SMIM36: variants seen among roughly 807,000 people sequenced by gnomAD.
SMIM36 encodes the protein small integral membrane protein 36.
intron 3 of SMIM36, chr17:55,477,004 A>G (rs1472693435): frequency 1.3e-5 from 2 of 152,188 alleles, no homozygotes; most frequent in Non-Finnish European, 2.9e-5. Flanking sequence ...TTAGTTCCCT[A>G]GGGCTGCCAC....
intron 1 of SMIM36, among the ~76,000 whole-genome samples, chr17:55,505,280 G>T (rs1910062426): frequency 1.1e-5 from 1 of 88,282 alleles, no homozygotes; most frequent in East Asian, 3.8e-4. Flanking sequence ...CAAAAAAAGA[G>T]AATTTTAGAC....
chr17:55,525,001 T>G, the SMIM36 span, among the ~76,000 whole-genome samples: 1 of 152,222 alleles, frequency 6.6e-6, no homozygotes, highest in East Asian at 1.9e-4. Context: ...ATGAGAAAAC[T>G]GAGGCACAGA....
chr17:55,508,482 T>G (rs1910123533), intron 1 of SMIM36, among the ~76,000 whole-genome samples: 1 of 136,802 alleles, frequency 7.3e-6, no homozygotes, highest in Non-Finnish European at 1.5e-5. Flanking sequence ...ACCTGCCCTT[T>G]TCTTAATGTG....
At chr17:55,480,253 A>T (rs940851008) in intron 1 of SMIM36, among the ~76,000 whole-genome samples, 5 of 152,152 alleles carry the variant, frequency 3.3e-5, no homozygotes, top group African/African-American at 1.2e-4. Context: ...AAAAAAAAAA[A>T]AAAAGCAATG....
chr17:55,470,873 A>T (rs2092037618), intron 3 of SMIM36, among the ~76,000 whole-genome samples: 1 of 152,012 alleles, frequency 6.6e-6, no homozygotes, highest in Non-Finnish European at 1.5e-5. Flanking sequence ...GCCTGTTACC[A>T]CTGGCCTGTT....
In SMIM36 at chr17:55,508,928, C is replaced by CAA. The variant is rs35834283; in HGVS notation, c.*174+1949_*174+1950dup. The stretch of plus-strand genomic sequence containing the variant: ...ATAAGGGCAAGGCTCTGTCTCAGAA[C>CAA]AAAAAAAAAAAAAAAAAAAAAAGTG... On this transcript the variant is annotated intron_variant, in intron 1 of 4. Transcript: ENST00000636752. 1.3e-3 allele frequency among the ~76,000 whole-genome samples: 126 copies of CAA among 97,014 alleles called. 1 individual carries two copies. The highest frequency in any genetic ancestry group is 1.5e-3 in the African/African-American group (39 of 26,106). 63.6% of individuals were successfully genotyped at this position (97,014 alleles called of 152,430 possible). A position where few individuals can be genotyped will look rare whatever the true frequency, so the allele number is the denominator to read the frequency against.
chr17:55,497,357 C>G (rs576752260), intron 1 of SMIM36, among the ~76,000 whole-genome samples: 1 of 152,064 alleles, frequency 6.6e-6, no homozygotes, highest in Non-Finnish European at 1.5e-5. Flanking sequence ...TTCTGCCTCC[C>G]GGGTTCAAGC....
the SMIM36 span, among the ~76,000 whole-genome samples, chr17:55,531,759 A>T: frequency 2.6e-5 from 4 of 152,262 alleles, no homozygotes; most frequent in African/African-American, 9.6e-5. Flanking sequence ...ATGGAGCTAT[A>T]GTAGACATAA....
intron 1 of SMIM36, among the ~76,000 whole-genome samples, chr17:55,496,912 A>C (rs1326118378): frequency 6.6e-6 from 1 of 152,190 alleles, no homozygotes; most frequent in African/African-American, 2.4e-5. Context: ...TGACAGTCTC[A>C]AACTCCCTTG....
intron 1 of SMIM36, among the ~76,000 whole-genome samples, chr17:55,496,574 GTATCTCAA>G (rs1296912838): frequency 6.6e-6 from 1 of 152,158 alleles, no homozygotes; most frequent in Non-Finnish European, 1.5e-5. Flanking sequence ...CATACTTTCT[GTATCTCAA>G]TCACTAGTGT....
At chr17:55,496,869 T>C (rs1446116031) in intron 1 of SMIM36, among the ~76,000 whole-genome samples, 1 of 152,186 alleles carries the variant, frequency 6.6e-6, no homozygotes, top group Non-Finnish European at 1.5e-5. Context: ...TGGATTCTGC[T>C]GATCCCACCC....
intron 1 of SMIM36, among the ~76,000 whole-genome samples, chr17:55,480,885 C>G (rs1474621186): frequency 6.6e-6 from 1 of 152,082 alleles, no homozygotes; most frequent in Non-Finnish European, 1.5e-5. Context: ...TTCTTGTTAT[C>G]TTAGATTTTT....
At chr17:55,465,839 AG>A (rs1172587926) in intron 4 of SMIM36, among the ~76,000 whole-genome samples, 1 of 152,142 alleles carries the variant, frequency 6.6e-6, no homozygotes, top group East Asian at 1.9e-4. Flanking sequence ...GTCTCTAATA[AG>A]GTCCTTAGAT....
chr17:55,508,302 G>T (rs1007573401), intron 1 of SMIM36, among the ~76,000 whole-genome samples: 3 of 151,236 alleles, frequency 2.0e-5, no homozygotes, highest in Admixed American at 6.6e-5. Flanking sequence ...AGTGCAAAAC[G>T]CAATAAAAAG....
upstream of SMIM36, among the ~76,000 whole-genome samples, chr17:55,512,164 G>C (rs373393338): frequency 6.6e-6 from 1 of 152,208 alleles, no homozygotes; most frequent in Non-Finnish European, 1.5e-5. Flanking sequence ...TGACCTGAAG[G>C]ATAAGTAGAA....
chr17:55,501,187 AATATATCTTATATATTATAATATATAAT>A, intron 1 of SMIM36, among the ~76,000 whole-genome samples: 1 of 83,970 alleles, frequency 1.2e-5, no homozygotes, highest in Non-Finnish European at 2.0e-5. Flanking sequence ...TATAATATAT[AATATATCTTATATATTATAATATATAAT>A]ATATATTATA....
At chr17:55,456,281 A>G (rs1909022263) in intron 4 of SMIM36, among the ~76,000 whole-genome samples, 1 of 152,036 alleles carries the variant, frequency 6.6e-6, no homozygotes, top group African/African-American at 2.4e-5. Context: ...AGTCACATCC[A>G]TAGTTCCAGA....
At chr17:55,525,178 A>G in the SMIM36 span, among the ~76,000 whole-genome samples, 1 of 152,198 alleles carries the variant, frequency 6.6e-6, no homozygotes, top group African/African-American at 2.4e-5. Flanking sequence ...GAGATGTGCT[A>G]GTTCTTAGCT....
intron 3 of SMIM36, among the ~76,000 whole-genome samples, chr17:55,472,755 C>G (rs1909361346): frequency 6.6e-6 from 1 of 151,822 alleles, no homozygotes; most frequent in South Asian, 2.1e-4. Context: ...ACTGTCCCAG[C>G]TACTCGGGAG....
Sources: gnomAD v4.1 joint callset for allele counts (sites outside exome capture counted in the v4.1 genomes callset) on GRCh38, gnomAD v4.1.1 for gene constraint, MANE v1.5 for transcripts, NCBI Gene and HGNC (gene_info 2026-07-23, HGNC 2026-07-21) for gene names.